SNX30: variants seen among roughly 807,000 people sequenced by gnomAD.
The protein encoded by SNX30 is sorting nexin family member 30, also known as sorting nexin-30.
In SNX30, 24 loss-of-function variants were observed where a neutral mutation model predicts 46.4. That is an observed-to-expected ratio of 0.52 (90% CI 0.37 to 0.73). The LOEUF (loss-of-function observed/expected upper bound fraction) is 0.73, where lower values mean the gene tolerates loss of function less well. Ranked by LOEUF, SNX30 falls within the 30% of genes least tolerant of loss-of-function variation. The pLI, the probability that SNX30 is intolerant of heterozygous loss-of-function variation, is 0.00. For missense variants in SNX30, 533 were observed against 555.7 expected, an observed-to-expected ratio of 0.96 and a Z score of 0.41; for synonymous variants, 189 against 211.5, an observed-to-expected ratio of 0.89 and a Z score of 0.92.
In SNX30 at chr9:112,839,570, G is replaced by A. The variant is rs186539671; in HGVS notation, c.1014+873G>A. On this transcript the variant is annotated intron_variant, in intron 6 of 8. Coordinates refer to ENST00000374232, the MANE Select transcript of SNX30 (RefSeq NM_001012994.2). The stretch of plus-strand genomic sequence containing the variant: ...CAGTGCCCACACTGGAAACTTCCCC[G>A]GCCTGCACATAGACTGGTTGGAGAA... Among the ~76,000 whole-genome samples, 95 of 152,272 alleles carry A rather than the reference G, an allele frequency of 6.2e-4. 1 individual carries two copies. Among genetic ancestry groups the A allele is most frequent in the African/African-American group, 2.1e-3 (89 of 41,528 alleles).
Position 112,751,010 on chromosome 9 carries a change from CGGGCCCCCCAAGGCCCTGCCGTCCACG to C in SNX30, c.17_43del (p.Pro6_Pro14del). On this transcript the variant is annotated inframe_deletion, in exon 1 of 9. Coordinates refer to ENST00000374232, the MANE Select transcript of SNX30 (RefSeq NM_001012994.2). ...CCCGAGCGGTGCGCGCCATGGCGGG[CGGGCCCCCCAAGGCCCTGCCGTCCACG>C]GGGCCCCACTCCCTGCGCGACATGC... 1 of 1,287,694 alleles carries C rather than the reference CGGGCCCCCCAAGGCCCTGCCGTCCACG, an allele frequency of 7.8e-7. No homozygotes were observed. The highest frequency in any genetic ancestry group is 1.5e-5 in the African/African-American group (1 of 64,954). The allele number at this position is 1,287,694 out of a possible 1,614,324, so 79.8% of individuals were successfully genotyped here. A position where few individuals can be genotyped will look rare whatever the true frequency, so the allele number is the denominator to read the frequency against.
At chr9:112,776,265 G>A (rs1564265090) in intron 1 of SNX30, among the ~76,000 whole-genome samples, 1 of 151,902 alleles carries the variant, frequency 6.6e-6, no homozygotes, top group East Asian at 1.9e-4. Context: ...TCATTTTATT[G>A]CATTTTATTT....
rs1186399503 is a variant in SNX30 at position 112,806,278 on chromosome 9, G to A, written c.348+1311G>A. Among the ~76,000 whole-genome samples the A allele has an allele frequency of 2.0e-5, 3 of 152,164 alleles. No homozygotes were observed. The East Asian group carries it at 5.8e-4, about 29-fold the overall frequency. ...ACCAGTTGAAAGCCACATATTTAGA[G>A]GAAGAATGACAATATTGACATTATT... On this transcript the variant is annotated intron_variant, in intron 2 of 8. Coordinates refer to ENST00000374232, the MANE Select transcript of SNX30 (RefSeq NM_001012994.2).
intron 1 of SNX30, among the ~76,000 whole-genome samples, chr9:112,777,418 ATATTTATTTATT>A (rs111364157): frequency 6.6e-6 from 1 of 150,542 alleles, no homozygotes; most frequent in African/African-American, 2.5e-5. Flanking sequence ...CTTTTTAAAG[ATATTTATTTATT>A]TATTTATTTA....
chr9:112,789,468 A>G (rs1839985666), intron 1 of SNX30, among the ~76,000 whole-genome samples: 4 of 152,282 alleles, frequency 2.6e-5, no homozygotes, highest in African/African-American at 9.6e-5. Context: ...TCTCATGTCC[A>G]TATTCCCAAC....
downstream of SNX30, chr9:112,879,565 T>C: frequency 1.8e-6 from 1 of 543,798 alleles, no homozygotes; most frequent in Non-Finnish European, 3.3e-6. Context: ...GAGAACGTTT[T>C]TCCATCACCA....
In SNX30 at chr9:112,754,718, C is replaced by T. The variant is rs138735200; in HGVS notation, c.156+3561C>T. ...TCACTGGACCTTATATGGCTATCTC[C>T]ATCTAAAATGTAAATACATCACTTA... is the stretch of plus-strand genomic sequence containing the variant. On this transcript the variant is annotated intron_variant, in intron 1 of 8. Coordinates refer to ENST00000374232, the MANE Select transcript of SNX30 (RefSeq NM_001012994.2). 1.4e-3 allele frequency among the ~76,000 whole-genome samples: 211 copies of T among 152,198 alleles called. 2 individuals carry two copies. The highest frequency in any genetic ancestry group is 4.8e-3 in the African/African-American group (198 of 41,530).
rs1251171439 is a variant in SNX30, at chr9:112,768,657, T to C, written c.156+17500T>C. Among the ~76,000 whole-genome samples the C allele has an allele frequency of 5.0e-4, 69 of 139,034 alleles. 3 individuals carry two copies. The highest frequency in any genetic ancestry group is 1.2e-3 in the African/African-American group (45 of 37,326). The allele number at this position is 139,034 out of a possible 152,430, so 91.2% of individuals were successfully genotyped here. On this transcript the variant is annotated intron_variant, in intron 1 of 8. Coordinates refer to ENST00000374232, the MANE Select transcript of SNX30 (RefSeq NM_001012994.2). ...AGATAATTCTTTCTTCTTTTTTTTT[T>C]TTTTTTTTTTTTTTTTTTGAGACGG...
intron 6 of SNX30, among the ~76,000 whole-genome samples, chr9:112,843,701 C>T (rs892965721): frequency 6.7e-6 from 1 of 150,174 alleles, no homozygotes; most frequent in African/African-American, 2.5e-5. Context: ...CTGCAACCTC[C>T]ACTTCCCGCT....
intron 7 of SNX30, among the ~76,000 whole-genome samples, chr9:112,862,511 A>T (rs1014120332): frequency 2.6e-4 from 39 of 152,008 alleles, no homozygotes; most frequent in African/African-American, 8.2e-4. Flanking sequence ...AGACTGGGAT[A>T]CTCTGGTTTT....
chr9:112,846,230 A>G (rs564821807), intron 6 of SNX30, among the ~76,000 whole-genome samples: 1 of 152,370 alleles, frequency 6.6e-6, no homozygotes, highest in African/African-American at 2.4e-5. Flanking sequence ...CAAAGAAGCC[A>G]TTCAAGGAAA....
chr9:112,882,965 T>G (rs555470671), downstream of SNX30, among the ~76,000 whole-genome samples: 23 of 152,234 alleles, frequency 1.5e-4, no homozygotes, highest in East Asian at 4.2e-3. Flanking sequence ...GCCAGAAGAA[T>G]GAGGTGTTTT....
At chr9:112,846,883 C>T (rs945124138) in intron 6 of SNX30, among the ~76,000 whole-genome samples, 8 of 152,168 alleles carry the variant, frequency 5.3e-5, no homozygotes, top group South Asian at 2.1e-4. Flanking sequence ...TTTCCCCTCC[C>T]ATAGTTTGTG....
At position 112,872,041 on chromosome 9, in the gene SNX30, T is replaced by C. The variant is rs1217470849; in HGVS notation, c.*3198T>C. ...CTTCAACTCACCAGACACCTTTCTT[T>C]AGTTGAAATAAACCAGCATGACCTG... On this transcript the variant is annotated 3_prime_UTR_variant, in exon 9 of 9. Coordinates refer to ENST00000374232, the MANE Select transcript of SNX30 (RefSeq NM_001012994.2). 6.6e-6 allele frequency: 1 copy of C among 152,208 alleles called. No homozygotes were observed. The highest frequency in any genetic ancestry group is 1.5e-5 in the Non-Finnish European group (1 of 68,028). The allele number at this position is 152,208 out of a possible 1,614,324, so 9.4% of individuals were successfully genotyped here.
At chr9:112,863,327 G>A (rs990959085) in intron 7 of SNX30, among the ~76,000 whole-genome samples, 1 of 152,316 alleles carries the variant, frequency 6.6e-6, no homozygotes, top group Non-Finnish European at 1.5e-5. Context: ...CAGGTCGGGG[G>A]TTTGACCTGG....
At chr9:112,810,886 G>C (rs1442968803) in intron 2 of SNX30, among the ~76,000 whole-genome samples, 1 of 152,124 alleles carries the variant, frequency 6.6e-6, no homozygotes, top group Non-Finnish European at 1.5e-5. Flanking sequence ...CGGTTGGGGA[G>C]TGGTGGTCAG....
chr9:112,760,029 C>T (rs1233762431), intron 1 of SNX30, among the ~76,000 whole-genome samples: 3 of 151,802 alleles, frequency 2.0e-5, no homozygotes, highest in African/African-American at 4.8e-5. Context: ...TATGCTTTGT[C>T]GATTTCTATA....
chr9:112,858,418 G>A (rs1413822855), intron 7 of SNX30, among the ~76,000 whole-genome samples: 1 of 152,184 alleles, frequency 6.6e-6, no homozygotes, highest in Non-Finnish European at 1.5e-5. Flanking sequence ...GGGAGGCTGA[G>A]GCAGGAGGAT....
chr9:112,883,465 C>T (rs1841607330), downstream of SNX30, among the ~76,000 whole-genome samples: 1 of 151,924 alleles, frequency 6.6e-6, no homozygotes, highest in Admixed American at 6.6e-5. Context: ...TGTTTCCTCA[C>T]CTGCAAAATA....
Sources: allele counts gnomAD v4.1 joint callset (sites outside exome capture counted in the v4.1 genomes callset), GRCh38; gene constraint gnomAD v4.1.1; transcripts MANE v1.5; gene names NCBI Gene and HGNC (gene_info 2026-07-23, HGNC 2026-07-21).